The following SDK1 variants were observed in gnomAD, a reference collection of about 807,000 sequenced individuals.
The protein encoded by SDK1 is sidekick cell adhesion molecule 1.
Under a neutral mutation model 245.5 loss-of-function variants are expected in SDK1, and 157 were observed. The ratio of observed to expected loss-of-function variants is 0.64; its 90% CI spans 0.56 to 0.73. The LOEUF (loss-of-function observed/expected upper bound fraction) is 0.73. SDK1 is among the 30% of genes least tolerant of loss of function. The pLI is 0.00. For synonymous variants in SDK1, 1,647 were observed against 1,278.5 expected (o/e 1.29, Z -6.15); for missense variants, 3,583 against 3,002.3 (o/e 1.19, Z -4.52).
chr7:3,927,401 G>A (rs1779809908), intron 5 of SDK1, among the ~76,000 whole-genome samples: 1 of 152,086 alleles, frequency 6.6e-6, no homozygotes, highest in African/African-American at 2.4e-5. Flanking sequence ...TGTGTTATAT[G>A]CATCGTACAT....
At chr7:4,106,890 C>G (rs1239984230) in intron 22 of SDK1, among the ~76,000 whole-genome samples, 3 of 151,792 alleles carry the variant, frequency 2.0e-5, no homozygotes, top group African/African-American at 7.3e-5. Flanking sequence ...GCCCTGAGTG[C>G]CCAGTGCCTG....
chr7:3,582,683 TAAAAAAAAAAAAAA>T (rs71029682), intron 1 of SDK1, among the ~76,000 whole-genome samples: 3 of 69,684 alleles, frequency 4.3e-5, no homozygotes, highest in East Asian at 5.9e-4. Flanking sequence ...TAAACTAAAG[TAAAAAAAAAAAAAA>T]AAAAAAAAAA....
chr7:4,213,539 C>T (rs1228037716), intron 38 of SDK1, among the ~76,000 whole-genome samples: 8 of 151,770 alleles, frequency 5.3e-5, no homozygotes, highest in Non-Finnish European at 1.2e-4. Context: ...GAGCTGAGAT[C>T]GCACCACTGC....
chr7:4,148,958 A>T (rs546794563), intron 29 of SDK1, among the ~76,000 whole-genome samples: 2 of 152,346 alleles, frequency 1.3e-5, no homozygotes, highest in South Asian at 4.1e-4. Flanking sequence ...CAGGAAGCTG[A>T]GGCAGGAGAA....
At chr7:3,778,127 G>A (rs115053173) in intron 4 of SDK1, among the ~76,000 whole-genome samples, 1 of 152,166 alleles carries the variant, frequency 6.6e-6, no homozygotes, top group Non-Finnish European at 1.5e-5. Context: ...CCATGCCGTC[G>A]TGTCTCCCAT....
At chr7:3,784,159 G>A (rs1037527941) in intron 4 of SDK1, among the ~76,000 whole-genome samples, 46 of 150,026 alleles carry the variant, frequency 3.1e-4, no homozygotes, top group African/African-American at 9.3e-4. Context: ...GGCCTGAAAT[G>A]ACTCATCCCT....
At chr7:4,054,728 C>T (rs951247681) in intron 19 of SDK1, among the ~76,000 whole-genome samples, 3 of 152,034 alleles carry the variant, frequency 2.0e-5, no homozygotes, top group African/African-American at 7.3e-5. Flanking sequence ...AACATTCAGT[C>T]GTTCACTGTT....
In SDK1 at chr7:4,241,889, C is replaced by G. The variant is rs766667204; in HGVS notation, c.6227C>G (p.Thr2076Ser). ...LSSRHLNVKS[T>S]FSKKNGTRSP... is the part of the protein sequence containing the mutation. The stretch of plus-strand genomic sequence containing the variant: ...AGCCGCCACCTCAATGTCAAGAGCA[C>G]CTTCTCCAAGAAGAACGGGACCAGG... The change falls in exon 43 of 45, where the codon ACC becomes AGC. Residue 2076 changes from threonine (T) to serine (S), a missense_variant. By Grantham distance (58) the Thr-to-Ser change is moderately conservative. Transcript: ENST00000404826. The G allele has an allele frequency of 9.3e-6, 15 of 1,613,824 alleles. No individual in the cohort carries two copies. In the East Asian group the frequency reaches 1.6e-4, roughly 17 times the overall value.
chr7:3,828,507 C>G lies in SDK1; in HGVS notation c.847+6924C>G, dbSNP rs1274184612. ...AGTTTTTTAAAATATAAAACCTATT[C>G]ATCAAAATTTGTAATACTTTAAAAA... On this transcript the variant is annotated intron_variant, in intron 5 of 44. Transcript: ENST00000404826. Among the ~76,000 whole-genome samples the G allele has an allele frequency of 2.0e-5, 3 of 151,676 alleles. No individual in the cohort carries two copies. The East Asian group carries it at 5.8e-4, about 29-fold the overall frequency.
At chr7:3,819,876 A>G (rs1026956009) in intron 4 of SDK1, among the ~76,000 whole-genome samples, 1 of 152,236 alleles carries the variant, frequency 6.6e-6, no homozygotes, top group Admixed American at 6.5e-5. Flanking sequence ...AAGGATTATT[A>G]TAATGCTAAA....
At chr7:4,157,073 G>T (rs1584319617) in intron 30 of SDK1, among the ~76,000 whole-genome samples, 1 of 152,266 alleles carries the variant, frequency 6.6e-6, no homozygotes, top group East Asian at 1.9e-4. Flanking sequence ...GAAGTCGAAT[G>T]AAGGGTATCT....
At chr7:3,837,970 T>G (rs1165553866) in intron 5 of SDK1, among the ~76,000 whole-genome samples, 1 of 152,136 alleles carries the variant, frequency 6.6e-6, no homozygotes, top group Non-Finnish European at 1.5e-5. Context: ...CAGGAAGACT[T>G]GGACTCCCAG....
intron 4 of SDK1, among the ~76,000 whole-genome samples, chr7:3,670,802 A>T (rs1783677110): frequency 1.3e-5 from 2 of 152,206 alleles, no homozygotes; most frequent in Admixed American, 1.3e-4. Context: ...TGTCTGTTGT[A>T]GATCAGTTAA....
At chr7:3,826,679 C>T (rs940880976) in intron 5 of SDK1, among the ~76,000 whole-genome samples, 1 of 152,232 alleles carries the variant, frequency 6.6e-6, no homozygotes, top group Non-Finnish European at 1.5e-5. Flanking sequence ...ATCCTGTCCA[C>T]TTCTCTGACA....
At position 3,588,545 on chromosome 7, in the gene SDK1, G is replaced by A. The variant is rs1443179691; in HGVS notation, c.299-30535G>A. Among the ~76,000 whole-genome samples, 9 of 152,136 alleles carry A rather than the reference G, an allele frequency of 5.9e-5. 1 individual carries two copies. The highest frequency in any genetic ancestry group is 5.2e-4 in the Admixed American group (8 of 15,280). On this transcript the variant is annotated intron_variant, in intron 1 of 44. Coordinates refer to ENST00000404826, the MANE Select transcript of SDK1 (RefSeq NM_152744.4). ...GTGCTGGACAGGTGCCAGGTCCTGCGATCCTGCAGGGTGCGTTCCTAGATT... is the reference window on the plus strand; with the variant it reads ...GTGCTGGACAGGTGCCAGGTCCTGCAATCCTGCAGGGTGCGTTCCTAGATT...
At chr7:4,264,444 G>T (rs555154864) in intron 44 of SDK1, among the ~76,000 whole-genome samples, 89 of 127,150 alleles carry the variant, frequency 7.0e-4, no homozygotes, top group African/African-American at 2.5e-3. Flanking sequence ...GGTAAGGAAG[G>T]CCGCGTGGAC....
intron 2 of SDK1, among the ~76,000 whole-genome samples, chr7:3,630,465 T>A (rs1266406643): frequency 6.6e-6 from 1 of 152,090 alleles, no homozygotes; most frequent in East Asian, 1.9e-4. Context: ...AATCTGAAAA[T>A]TACATATTTA....
intron 1 of SDK1, among the ~76,000 whole-genome samples, chr7:3,574,204 C>T (rs996556350): frequency 6.6e-6 from 1 of 151,732 alleles, no homozygotes; most frequent in Admixed American, 6.6e-5. Context: ...GCAACCTCCA[C>T]CTCCTAGATT....
chr7:4,051,876 G>A (rs944813846), intron 19 of SDK1, 46 bp downstream of exon 19: 6 of 1,533,012 alleles, frequency 3.9e-6, no homozygotes, highest in African/African-American at 2.8e-5. Flanking sequence ...TGTCAAAGAG[G>A]TGTATACCGC....
Sources: allele counts gnomAD v4.1 joint callset (sites outside exome capture counted in the v4.1 genomes callset), GRCh38; gene constraint gnomAD v4.1.1; transcripts MANE v1.5; gene names NCBI Gene and HGNC (gene_info 2026-07-23, HGNC 2026-07-21).